WDR72: variants seen among roughly 807,000 people sequenced by gnomAD.
WDR72 encodes the protein WD repeat domain 72.
Under a neutral mutation model 124.2 loss-of-function variants are expected in WDR72, and 120 were observed. The ratio of observed to expected loss-of-function variants is 0.97; its 90% confidence interval spans 0.83 to 1.12. The LOEUF is 1.12. WDR72 is among the 50% of genes most tolerant of loss of function. The pLI is 0.00. For missense variants in WDR72, 1,387 were observed against 1,278.8 expected, an observed-to-expected ratio of 1.08 and a Z score of -1.29; for synonymous variants, 452 against 441.7, an observed-to-expected ratio of 1.02 and a Z score of -0.29.
chr15:53,656,364 T>G (rs552958145), intron 14 of WDR72, among the ~76,000 whole-genome samples: 1 of 152,226 alleles, frequency 6.6e-6, no homozygotes, highest in Non-Finnish European at 1.5e-5. Flanking sequence ...GTTAGCTGGA[T>G]GTATTTTTTT....
chr15:53,670,416 G>A (rs2015945136), intron 13 of WDR72, among the ~76,000 whole-genome samples: 1 of 152,150 alleles, frequency 6.6e-6, no homozygotes, highest in Admixed American at 6.5e-5. Context: ...TGTACACACT[G>A]CTTTCCCTGT....
chr15:53,750,946 C>G (rs1285861665), intron 1 of WDR72, among the ~76,000 whole-genome samples: 1 of 152,132 alleles, frequency 6.6e-6, no homozygotes, highest in Non-Finnish European at 1.5e-5. Flanking sequence ...GGAATCTACT[C>G]CTGGTGAAGA....
Position 53,720,389 on chromosome 15 carries a change from G to C in WDR72, c.260+2413C>G, listed in dbSNP as rs189890125. On this transcript the variant is annotated intron_variant, in intron 3 of 19. Transcript: ENST00000360509. ...TATAAATATCATTATGTCTTATAAA[G>C]TTTCTGCAGCTTTGCTGGGTTTTGT... is the stretch of plus-strand genomic sequence containing the variant. Among the ~76,000 whole-genome samples the C allele has an allele frequency of 1.1e-3, 168 of 152,282 alleles. 2 individuals carry two copies. Among genetic ancestry groups the C allele is most frequent in the African/African-American group, 3.9e-3 (164 of 41,556 alleles).
At chr15:53,554,982 G>A (rs1376071562) in intron 18 of WDR72, among the ~76,000 whole-genome samples, 1 of 152,062 alleles carries the variant, frequency 6.6e-6, no homozygotes, top group Non-Finnish European at 1.5e-5. Context: ...AAGCTGAGGA[G>A]AGATGCATAC....
intron 18 of WDR72, among the ~76,000 whole-genome samples, chr15:53,576,167 T>C (rs1331060448): frequency 6.6e-6 from 1 of 152,178 alleles, no homozygotes; most frequent in Non-Finnish European, 1.5e-5. Context: ...CATTGCGTTA[T>C]AGTTAATCAG....
At chr15:53,728,272 A>G (rs1039136229) in intron 2 of WDR72, among the ~76,000 whole-genome samples, 22 of 152,158 alleles carry the variant, frequency 1.4e-4, no homozygotes, top group African/African-American at 5.1e-4. Flanking sequence ...TGTGAGACTA[A>G]CTCACTTTCA....
intron 14 of WDR72, among the ~76,000 whole-genome samples, chr15:53,643,102 C>T (rs575013247): frequency 6.6e-6 from 1 of 152,090 alleles, no homozygotes; most frequent in Admixed American, 6.6e-5. Flanking sequence ...GGAAAAAAAG[C>T]GAAAGAATTC....
chr15:53,665,964 T>A (rs1050321359), intron 13 of WDR72, among the ~76,000 whole-genome samples, 196 bp from the exon 14 acceptor site: 1 of 152,224 alleles, frequency 6.6e-6, no homozygotes, highest in African/African-American at 2.4e-5. Context: ...ACTTATGGAT[T>A]TGAAAAGTTC....
At chr15:53,710,715 T>C in intron 9 of WDR72, 142 bp downstream of exon 9, 1 of 723,182 alleles carries the variant, frequency 1.4e-6, no homozygotes, top group Non-Finnish European at 2.4e-6. Context: ...CCATTGATAA[T>C]TAAACTTGAT....
At chr15:53,523,350 G>A in intron 18 of WDR72, 28 bp from the exon 19 acceptor site, 1 of 1,593,532 alleles carries the variant, frequency 6.3e-7, no homozygotes, top group South Asian at 1.1e-5. Context: ...GAGAGAGAGA[G>A]AGACAGAAGA....
intron 18 of WDR72, among the ~76,000 whole-genome samples, chr15:53,558,296 C>T (rs1328788211): frequency 2.0e-5 from 3 of 152,034 alleles, no homozygotes; most frequent in South Asian, 2.1e-4. Context: ...CGGTTTGCCT[C>T]GTCCTATCAC....
At chr15:53,543,752 C>G (rs1390377759) in intron 18 of WDR72, among the ~76,000 whole-genome samples, 1 of 151,666 alleles carries the variant, frequency 6.6e-6, no homozygotes, top group Non-Finnish European at 1.5e-5. Flanking sequence ...GCTAGCAAGA[C>G]TAATAAAGAA....
intron 14 of WDR72, among the ~76,000 whole-genome samples, chr15:53,661,923 T>C (rs946146132): frequency 6.6e-6 from 1 of 152,128 alleles, no homozygotes; most frequent in Non-Finnish European, 1.5e-5. Flanking sequence ...TCCAGGATAC[T>C]ACAATGGGCC....
intron 16 of WDR72, among the ~76,000 whole-genome samples, chr15:53,611,251 A>AT: frequency 2.0e-5 from 3 of 152,006 alleles, no homozygotes; most frequent in South Asian, 2.1e-4. Context: ...TCTTCCTATT[A>AT]TTTTTTTGAA....
Position 53,597,200 on chromosome 15 carries a change from G to A in WDR72, c.3027C>T (p.Val1009=), listed in dbSNP as rs755494647. ...CTGCCATGGACACTGGTTGACTATT[G>A]ACGGGTATCTTTCCCAAACTCTTCA... ...QHMKSLGKIP[V]NSQPVSMAEN... is the part of the protein sequence containing the mutation. Residue 1009 remains valine (V), a synonymous_variant, in exon 18 of 20, where the codon GTC becomes GTT. Transcript: ENST00000360509. The A allele has an allele frequency of 3.4e-5, 55 of 1,613,752 alleles. No homozygotes were observed. The highest frequency in any genetic ancestry group is 3.3e-4 in the Middle Eastern group (2 of 6,074).
intron 13 of WDR72, among the ~76,000 whole-genome samples, chr15:53,695,038 A>C (rs2016960443): frequency 6.6e-6 from 1 of 152,192 alleles, no homozygotes; most frequent in African/African-American, 2.4e-5. Context: ...GATCATACGG[A>C]CCACAAAGCA....
intron 13 of WDR72, among the ~76,000 whole-genome samples, chr15:53,685,993 T>C (rs1337702323): frequency 6.7e-6 from 1 of 148,478 alleles, no homozygotes; most frequent in Admixed American, 6.7e-5. Flanking sequence ...TAAAATACTT[T>C]ACAGACAAGC....
At chr15:53,567,978 C>T (rs4776160) in intron 18 of WDR72, among the ~76,000 whole-genome samples, 122,869 of 149,158 alleles carry the variant, frequency 0.82, 50,755 homozygotes, top group Middle Eastern at 0.9. Flanking sequence ...AATTGCATAT[C>T]ATCCTGATCA....
rs141955310 is a variant in WDR72 at position 53,734,906 on chromosome 15, T to C, written c.-12-1745A>G. On this transcript the variant is annotated intron_variant, in intron 1 of 19. Coordinates refer to ENST00000360509, the MANE Select transcript of WDR72 (RefSeq NM_182758.4). ...ATAATACTTTTATAATAATTATATA[T>C]AAAAAATTGTTTCCAGGTCAATGAT... is the stretch of plus-strand genomic sequence containing the variant. 1.5e-4 allele frequency among the ~76,000 whole-genome samples: 23 copies of C among 152,082 alleles called. 1 individual carries two copies. The highest frequency in any genetic ancestry group is 5.1e-4 in the African/African-American group (21 of 41,542).
Sources: allele counts gnomAD v4.1 joint callset (sites outside exome capture counted in the v4.1 genomes callset), GRCh38; gene constraint gnomAD v4.1.1; transcripts MANE v1.5; gene names NCBI Gene and HGNC (gene_info 2026-07-23, HGNC 2026-07-21).